The following FLT3 variants were observed in gnomAD, a reference collection of about 807,000 sequenced individuals.
The protein encoded by FLT3 is receptor-type tyrosine-protein kinase FLT3.
A neutral mutation model predicts 126.6 loss-of-function variants in FLT3; 46 were observed. That is an observed-to-expected ratio of 0.36 (90% CI 0.29 to 0.46). The LOEUF is 0.46. Among genes scored for constraint, FLT3 ranks in the 20% least tolerant of loss-of-function variants. FLT3 has a pLI of 1.00. For missense variants in FLT3, 1,069 were observed against 1,190.3 expected (o/e 0.90, Z 1.50); for synonymous variants, 404 against 434.4 (o/e 0.93, Z 0.87).
chr13:28,062,084 G>T lies in FLT3; in HGVS notation c.166-15C>A. On this transcript the variant is annotated splice_polypyrimidine_tract_variant and intron_variant, in intron 2 of 23. Coordinates refer to ENST00000241453, the MANE Select transcript of FLT3 (RefSeq NM_004119.3). ...GATTCTGATACCTACGTTGCAGATA[G>T]AACAAAGTGAATTCATGAAAACTGC... 6.2e-7 allele frequency: 1 copy of T among 1,602,628 alleles called. No individual in the cohort carries two copies. Among genetic ancestry groups the T allele is most frequent in the Non-Finnish European group, 8.5e-7 (1 of 1,172,518 alleles).
chr13:28,056,412 G>C (rs1593269434), intron 4 of FLT3, among the ~76,000 whole-genome samples: 1 of 152,172 alleles, frequency 6.6e-6, no homozygotes, highest in African/African-American at 2.4e-5. Flanking sequence ...GTGTCGGGGG[G>C]ACCTAATTTC....
Position 28,003,393 on chromosome 13 carries a change from C to T in FLT3, c.*659G>A, listed in dbSNP as rs913738420. The T allele has an allele frequency of 4.3e-6, 1 of 233,560 alleles. No individual in the cohort carries two copies. The highest frequency in any genetic ancestry group is 2.2e-5 in the African/African-American group (1 of 45,318). 14.5% of individuals were successfully genotyped at this position (233,560 alleles called of 1,614,324 possible). On this transcript the variant is annotated 3_prime_UTR_variant, in exon 24 of 24. Coordinates refer to ENST00000241453, the MANE Select transcript of FLT3 (RefSeq NM_004119.3). ...ATGTATTACTCTTTATGGTAGAACA[C>T]CTATTCATTATAAACTTCCCCCAAT...
rs552006274 is a variant in FLT3 at position 28,011,393 on chromosome 13, A to G, written c.2859+3059T>C. Among the ~76,000 whole-genome samples, 14 of 151,544 alleles carry G rather than the reference A, an allele frequency of 9.2e-5. 1 individual carries two copies. Among genetic ancestry groups the G allele is most frequent in the African/African-American group, 3.4e-4 (14 of 41,294 alleles). ...AGATTCTACAAAACCTTTCACAGATATAACAGGGAAGATCACCCTGGGGAA... is the reference window on the plus strand; with the variant it reads ...AGATTCTACAAAACCTTTCACAGATGTAACAGGGAAGATCACCCTGGGGAA... On this transcript the variant is annotated intron_variant, in intron 23 of 23. Coordinates refer to ENST00000241453, the MANE Select transcript of FLT3 (RefSeq NM_004119.3).
intron 1 of FLT3, among the ~76,000 whole-genome samples, chr13:28,072,060 G>T (rs1877566144): frequency 6.6e-6 from 1 of 151,076 alleles, no homozygotes; most frequent in Non-Finnish European, 1.5e-5. Context: ...TTTCTTTGGG[G>T]GTATTAGGTA....
rs372546051 is a variant in FLT3 at position 28,035,667 on chromosome 13, T to A, written c.1425A>T (p.Thr475=). The A allele has an allele frequency of 1.3e-5, 21 of 1,601,282 alleles. No individual in the cohort carries two copies. Among genetic ancestry groups the A allele is most frequent in the Non-Finnish European group, 1.8e-5 (21 of 1,176,984 alleles). ...KKCSDKSPNC[T]EEITEGVWNR... Reference sequence around the variant, plus strand: ...TCCAGACTCCTTCTGTGATCTCTTCTGTGCAGCTGAAAAAAAAAATAGCAA... The same window carrying A: ...TCCAGACTCCTTCTGTGATCTCTTCAGTGCAGCTGAAAAAAAAAATAGCAA... The change falls in exon 12 of 24, where the codon ACA becomes ACT. Residue 475 remains threonine (T), a synonymous_variant. Coordinates refer to ENST00000241453, the MANE Select transcript of FLT3 (RefSeq NM_004119.3).
intron 3 of FLT3, among the ~76,000 whole-genome samples, chr13:28,057,906 G>A (rs933098258): frequency 6.6e-5 from 10 of 151,850 alleles, no homozygotes; most frequent in African/African-American, 1.5e-4. Context: ...TGAGAATGGC[G>A]CAGGCGCCTG....
At chr13:28,030,026 C>T (rs1873180697) in intron 15 of FLT3, among the ~76,000 whole-genome samples, 1 of 152,196 alleles carries the variant, frequency 6.6e-6, no homozygotes, top group South Asian at 2.1e-4. Context: ...GGCACCACCC[C>T]TCTGTGAACA....
At chr13:28,089,027 A>C (rs1016490424) in intron 1 of FLT3, among the ~76,000 whole-genome samples, 19 of 152,240 alleles carry the variant, frequency 1.2e-4, no homozygotes, top group Admixed American at 6.5e-5. Context: ...CAGTTTTAAA[A>C]ATGGGCAAAA....
At chr13:28,008,959 G>A (rs901661654) in intron 23 of FLT3, among the ~76,000 whole-genome samples, 5 of 151,944 alleles carry the variant, frequency 3.3e-5, no homozygotes, top group Non-Finnish European at 7.4e-5. Flanking sequence ...TTTTATTTTT[G>A]TATTTTCAAT....
chr13:28,013,547 T>A (rs1871577598), intron 23 of FLT3, among the ~76,000 whole-genome samples: 1 of 152,266 alleles, frequency 6.6e-6, no homozygotes, highest in Admixed American at 6.5e-5. Context: ...TGGAGATGGT[T>A]CTTTTCACTA....
intron 15 of FLT3, among the ~76,000 whole-genome samples, chr13:28,029,361 C>T (rs180759969): frequency 1.5e-4 from 23 of 152,248 alleles, no homozygotes; most frequent in Middle Eastern, 3.4e-3. Flanking sequence ...CCCTGCACCA[C>T]TCCAGCCTGG....
chr13:28,058,514 A>AAAAAT (rs745452864), intron 3 of FLT3, among the ~76,000 whole-genome samples: 2 of 152,154 alleles, frequency 1.3e-5, no homozygotes, highest in Admixed American at 6.5e-5. Flanking sequence ...CTCCATCTCA[A>AAAAAT]AAAATAAAAT....
chr13:28,030,771 G>A (rs1458500678), intron 15 of FLT3, among the ~76,000 whole-genome samples: 2 of 152,136 alleles, frequency 1.3e-5, no homozygotes, highest in African/African-American at 2.4e-5. Flanking sequence ...AGCTGGGCTT[G>A]GTGGTGCCTG....
At chr13:28,065,915 T>C (rs1310984569) in intron 2 of FLT3, among the ~76,000 whole-genome samples, 1 of 151,930 alleles carries the variant, frequency 6.6e-6, no homozygotes, top group Non-Finnish European at 1.5e-5. Context: ...GGCAGGCAGA[T>C]TGCTTGAGTC....
intron 1 of FLT3, among the ~76,000 whole-genome samples, chr13:28,087,824 TG>T (rs1412691133): frequency 6.6e-6 from 1 of 152,210 alleles, no homozygotes; most frequent in East Asian, 1.9e-4. Context: ...CCAGTGTAAT[TG>T]AGTTTTCATC....
intron 19 of FLT3, among the ~76,000 whole-genome samples, chr13:28,022,989 T>C (rs1295643579): frequency 6.6e-6 from 1 of 152,142 alleles, no homozygotes; most frequent in African/African-American, 2.4e-5. Context: ...ATCCCCTGGG[T>C]TGAATGCCCA....
At position 28,057,400 on chromosome 13, in the gene FLT3, A is replaced by C; in HGVS notation, c.431T>G (p.Phe144Cys). ...GTAATTGGTAGCTTCACTCTGAATA[A>C]AAAGTAGGTATTCTCCAGCTTGGGT... ...TETQAGEYLL[F>C]IQSEATNYTI... Residue 144 changes from phenylalanine to cysteine, a missense_variant, in exon 4 of 24, where the codon TTT (phenylalanine) becomes TGT (cysteine). Physicochemically the swap from Phe to Cys is radical, Grantham distance 205. Transcript: ENST00000241453. 1 of 1,589,368 alleles carries C rather than the reference A, an allele frequency of 6.3e-7. No individual in the cohort carries two copies. Among genetic ancestry groups the C allele is most frequent in the Admixed American group, 1.7e-5 (1 of 59,984 alleles).
At chr13:28,022,152 C>T (rs958308933) in intron 19 of FLT3, among the ~76,000 whole-genome samples, 2 of 152,164 alleles carry the variant, frequency 1.3e-5, no homozygotes, top group African/African-American at 4.8e-5. Flanking sequence ...ATCCTCCCAC[C>T]TTGGCCTCCC....
chr13:28,091,202 A>ATTTTC (rs1593307965), intron 1 of FLT3, among the ~76,000 whole-genome samples: 1 of 34,144 alleles, frequency 2.9e-5, no homozygotes, highest in African/African-American at 1.2e-4. Flanking sequence ...TTTGGGCCCC[A>ATTTTC]TTTTCTTTTT....
Sources: allele counts gnomAD v4.1 joint callset (sites outside exome capture counted in the v4.1 genomes callset), GRCh38; gene constraint gnomAD v4.1.1; transcripts MANE v1.5; gene names NCBI Gene and HGNC (gene_info 2026-07-23, HGNC 2026-07-21).